COG5: variants seen among roughly 807,000 people sequenced by gnomAD.
COG5 encodes the protein component of oligomeric golgi complex 5.
In COG5, 86 loss-of-function variants were observed where a neutral mutation model predicts 110.4. The ratio of observed to expected loss-of-function variants is 0.78; its 90% CI spans 0.65 to 0.93. The LOEUF (loss-of-function observed/expected upper bound fraction) is 0.93, where lower values mean the gene tolerates loss of function less well. COG5 is among the 40% of genes least tolerant of loss of function. COG5 has a pLI of 0.00. For missense variants in COG5, 1,077 were observed against 987.0 expected (o/e 1.09, Z -1.22); for synonymous variants, 360 against 334.6 (o/e 1.08, Z -0.83).
At chr7:107,459,670 C>A (rs1452601986) in intron 6 of COG5, among the ~76,000 whole-genome samples, 2 of 151,964 alleles carry the variant, frequency 1.3e-5, no homozygotes, top group African/African-American at 4.8e-5. Flanking sequence ...GTGGTACACA[C>A]CTGTGGTCCC....
At chr7:107,466,614 T>C (rs1327425232) in intron 6 of COG5, among the ~76,000 whole-genome samples, 1 of 152,194 alleles carries the variant, frequency 6.6e-6, no homozygotes, top group Non-Finnish European at 1.5e-5. Flanking sequence ...TACTCCCCAC[T>C]TGATGGAAGT....
At chr7:107,361,934 TGTAGCC>T (rs1813153208) in intron 10 of COG5, 93 bp downstream of exon 10, 1 of 761,248 alleles carries the variant, frequency 1.3e-6, no homozygotes, top group African/African-American at 1.7e-5. Context: ...CCATCTGATA[TGTAGCC>T]ACTCTATAAG....
chr7:107,289,116 GAGACACTGTGCCCA>G (rs1805945877), intron 12 of COG5, among the ~76,000 whole-genome samples: 1 of 151,232 alleles, frequency 6.6e-6, no homozygotes, highest in African/African-American at 2.4e-5. Flanking sequence ...CATGAGACAT[GAGACACTGTGCCCA>G]GCCTTGTTTT....
chr7:107,304,251 A>G (rs929728547), intron 11 of COG5, among the ~76,000 whole-genome samples: 1 of 152,164 alleles, frequency 6.6e-6, no homozygotes, highest in Non-Finnish European at 1.5e-5. Flanking sequence ...AAAGGATATA[A>G]ATAGTCTATG....
intron 10 of COG5, among the ~76,000 whole-genome samples, chr7:107,355,440 A>G (rs927635844): frequency 6.6e-6 from 1 of 152,236 alleles, no homozygotes; most frequent in African/African-American, 2.4e-5. Flanking sequence ...ATGAAAATGC[A>G]AAAGGCTGAG....
intron 14 of COG5, among the ~76,000 whole-genome samples, chr7:107,265,429 C>T (rs1803720262): frequency 6.6e-6 from 1 of 152,104 alleles, no homozygotes; most frequent in East Asian, 1.9e-4. Context: ...AGGCATATAC[C>T]ACCATGGCCA....
chr7:107,341,502 T>C (rs1336041038), intron 10 of COG5, among the ~76,000 whole-genome samples: 1 of 152,104 alleles, frequency 6.6e-6, no homozygotes, highest in Non-Finnish European at 1.5e-5. Flanking sequence ...CAATTTCATT[T>C]TTCACAAAAT....
In COG5 at chr7:107,554,329, T is replaced by C; in HGVS notation, c.248A>G (p.His83Arg). ...AGTTGCTTGTGCCAGTAAATCTTCATGTCTTGCAACAACCTGAAAATCAAA... is the reference window on the plus strand; with the variant it reads ...AGTTGCTTGTGCCAGTAAATCTTCACGTCTTGCAACAACCTGAAAATCAAA... ...RELHLQVVAR[H>R]EDLLAQATGI... Residue 83 changes from histidine (H) to arginine (R), a missense_variant, in exon 3 of 22, where the codon CAT becomes CGT. Transcript: ENST00000297135. 1.2e-6 allele frequency: 2 copies of C among 1,614,012 alleles called. No homozygotes were observed. Among genetic ancestry groups the C allele is most frequent in the Non-Finnish European group, 1.7e-6 (2 of 1,179,874 alleles).
chr7:107,248,897 T>G (rs1358014195), intron 16 of COG5, among the ~76,000 whole-genome samples: 7 of 152,206 alleles, frequency 4.6e-5, no homozygotes, highest in Admixed American at 4.6e-4. Context: ...CAACATCATA[T>G]GCTTTTAACC....
At chr7:107,275,802 G>A (rs1230514637) in intron 14 of COG5, among the ~76,000 whole-genome samples, 1 of 151,206 alleles carries the variant, frequency 6.6e-6, no homozygotes, top group Non-Finnish European at 1.5e-5. Context: ...GGGATTATAG[G>A]CATGAGCCAC....
At chr7:107,236,238 G>A (rs376714913) in intron 18 of COG5, among the ~76,000 whole-genome samples, 47 of 151,902 alleles carry the variant, frequency 3.1e-4, no homozygotes, top group African/African-American at 1.0e-3. Flanking sequence ...CAAAGAGAGG[G>A]ATAATTATTT....
intron 7 of COG5, among the ~76,000 whole-genome samples, chr7:107,376,874 AT>A (rs1814682691): frequency 6.6e-6 from 1 of 152,008 alleles, no homozygotes; most frequent in African/African-American, 2.4e-5. Flanking sequence ...TGAGATAATA[AT>A]TTTCCCCCTT....
In COG5 at chr7:107,337,613, GAGA is replaced by G. The variant is rs1345375639; in HGVS notation, c.1027-13095_1027-13093del. 2.0e-5 allele frequency among the ~76,000 whole-genome samples: 3 copies of G among 152,164 alleles called. No individual in the cohort carries two copies. In the South Asian group the frequency reaches 6.2e-4, roughly 32 times the overall value. On this transcript the variant is annotated intron_variant, in intron 10 of 21. Coordinates refer to ENST00000297135, the MANE Select transcript of COG5 (RefSeq NM_006348.5). ...AAAATTTTGATCTCATGGAGGGAGA[GAGA>G]AGAAGGATAGATATCAAAGAGGCTG...
At chr7:107,538,900 A>C (rs985691281) in intron 5 of COG5, among the ~76,000 whole-genome samples, 1 of 152,252 alleles carries the variant, frequency 6.6e-6, no homozygotes, top group African/African-American at 2.4e-5. Flanking sequence ...AATGTGATAT[A>C]TTCATAAAAT....
intron 8 of COG5, among the ~76,000 whole-genome samples, chr7:107,363,496 C>A (rs554685992): frequency 6.6e-6 from 1 of 151,924 alleles, no homozygotes; most frequent in Admixed American, 6.6e-5. Flanking sequence ...CATGAGTACA[C>A]AGTGAAACTC....
At chr7:107,507,069 G>C (rs1212704556) in intron 6 of COG5, among the ~76,000 whole-genome samples, 1 of 152,154 alleles carries the variant, frequency 6.6e-6, no homozygotes, top group Non-Finnish European at 1.5e-5. Context: ...CCAGTGTTGA[G>C]TAGGATAAAG....
chr7:107,369,409 T>A (rs1244115636), intron 8 of COG5, among the ~76,000 whole-genome samples: 4 of 141,496 alleles, frequency 2.8e-5, no homozygotes, highest in Non-Finnish European at 6.1e-5. Context: ...TTTTTTGAGA[T>A]GGAGTCTTGC....
intron 7 of COG5, among the ~76,000 whole-genome samples, chr7:107,397,104 G>C (rs1791072051): frequency 6.6e-6 from 1 of 152,126 alleles, no homozygotes; most frequent in Admixed American, 6.6e-5. Flanking sequence ...GTTCCTCTTT[G>C]CCAGACACTT....
chr7:107,294,713 C>CTTTTT (rs796291188), intron 12 of COG5, among the ~76,000 whole-genome samples: 36 of 110,034 alleles, frequency 3.3e-4, no homozygotes, highest in East Asian at 8.2e-4. Flanking sequence ...AATTTTCTTT[C>CTTTTT]TTTTTTTTTT....
Sources: allele counts gnomAD v4.1 joint callset (sites outside exome capture counted in the v4.1 genomes callset), GRCh38; gene constraint gnomAD v4.1.1; transcripts MANE v1.5; gene names NCBI Gene and HGNC (gene_info 2026-07-23, HGNC 2026-07-21).